CNTNAP5: variants seen among roughly 807,000 people sequenced by gnomAD.
CNTNAP5 encodes the protein contactin associated protein family member 5, also known as contactin-associated protein-like 5.
A neutral mutation model predicts 150.2 loss-of-function variants in CNTNAP5; 72 were observed. The observed-to-expected ratio is 0.48, with a 90% CI of 0.40 to 0.58. The LOEUF is 0.58. Ranked by LOEUF, CNTNAP5 falls within the 20% of genes least tolerant of loss-of-function variation. The probability of loss-of-function intolerance (pLI) is 0.00; values close to 1 mark genes in which losing one functional copy is unlikely to be tolerated. For missense variants in CNTNAP5, 1,636 were observed against 1,626.2 expected (o/e 1.01, Z -0.10); for synonymous variants, 672 against 619.8 (o/e 1.08, Z -1.25).
intron 19 of CNTNAP5, among the ~76,000 whole-genome samples, chr2:124,811,951 T>A (rs1174041450): frequency 6.4e-5 from 6 of 94,178 alleles, no homozygotes; most frequent in South Asian, 2.6e-4. Flanking sequence ...TCAAAAAATA[T>A]ATATATATAT....
intron 19 of CNTNAP5, among the ~76,000 whole-genome samples, chr2:124,861,669 T>G (rs1233633829): frequency 6.6e-6 from 1 of 152,144 alleles, no homozygotes; most frequent in Non-Finnish European, 1.5e-5. Flanking sequence ...AAGAAGCAGC[T>G]AGATTTAACT....
intron 9 of CNTNAP5, among the ~76,000 whole-genome samples, chr2:124,525,110 T>A (rs1694934085): frequency 6.6e-6 from 1 of 152,224 alleles, no homozygotes; most frequent in African/African-American, 2.4e-5. Flanking sequence ...AAGAAAAACA[T>A]AATTAGGCAT....
chr2:124,516,930 A>G (rs1046888284), intron 8 of CNTNAP5, among the ~76,000 whole-genome samples: 1 of 152,156 alleles, frequency 6.6e-6, no homozygotes, highest in African/African-American at 2.4e-5. Flanking sequence ...GCAACCTCAA[A>G]ATTATTTCTT....
rs556735690 is a variant in CNTNAP5, at chr2:124,679,632, G to C, written c.2077+31674G>C. On this transcript the variant is annotated intron_variant, in intron 13 of 23. Transcript: ENST00000682447. The stretch of plus-strand genomic sequence containing the variant: ...TCTCTGTCATTCAGGTTGGAGTGCA[G>C]TGATGCAATCACTGCAGCCTCCGGC... Among the ~76,000 whole-genome samples, 150 of 151,570 alleles carry C rather than the reference G, an allele frequency of 9.9e-4. 1 individual carries two copies. The highest frequency in any genetic ancestry group is 1.7e-3 in the Non-Finnish European group (114 of 67,976).
At chr2:124,842,608 A>G (rs922224460) in intron 19 of CNTNAP5, among the ~76,000 whole-genome samples, 7 of 152,182 alleles carry the variant, frequency 4.6e-5, no homozygotes, top group Non-Finnish European at 1.0e-4. Context: ...GACAGGTTGT[A>G]GAATATTTTG....
chr2:124,047,685 A>G (rs1025132072), intron 1 of CNTNAP5, among the ~76,000 whole-genome samples: 1 of 152,204 alleles, frequency 6.6e-6, no homozygotes, highest in Non-Finnish European at 1.5e-5. Context: ...TCCCTGGTGC[A>G]TGAAAAAGTG....
chr2:124,634,588 AGT>A (rs1677933737), intron 12 of CNTNAP5, among the ~76,000 whole-genome samples: 1 of 152,030 alleles, frequency 6.6e-6, no homozygotes, highest in Admixed American at 6.6e-5. Flanking sequence ...GGTTCACAGT[AGT>A]GTTGACATCT....
intron 22 of CNTNAP5, 117 bp downstream of exon 22, chr2:124,903,217 A>G: frequency 1.8e-6 from 1 of 569,380 alleles, no homozygotes; most frequent in East Asian, 2.9e-5. Context: ...TTTGTATAAT[A>G]ACAGGTGGCT....
chr2:124,654,641 G>T (rs559313164), intron 13 of CNTNAP5, among the ~76,000 whole-genome samples: 1 of 152,258 alleles, frequency 6.6e-6, no homozygotes, highest in South Asian at 2.1e-4. Context: ...TGCTCACAAA[G>T]CTTGGAGGTC....
intron 3 of CNTNAP5, among the ~76,000 whole-genome samples, chr2:124,328,592 G>T (rs1265103138): frequency 1.3e-5 from 2 of 152,100 alleles, no homozygotes; most frequent in African/African-American, 4.8e-5. Context: ...TCTCCTCAAA[G>T]AAATGCAAAT....
chr2:124,471,363 G>A (rs1008101450), intron 6 of CNTNAP5, among the ~76,000 whole-genome samples: 21 of 151,918 alleles, frequency 1.4e-4, no homozygotes, highest in African/African-American at 5.1e-4. Context: ...TTTGGCTCTT[G>A]GCTTGCCTGT....
intron 19 of CNTNAP5, among the ~76,000 whole-genome samples, chr2:124,840,673 C>T (rs912136849): frequency 2.0e-5 from 3 of 152,058 alleles, no homozygotes; most frequent in Admixed American, 6.6e-5. Flanking sequence ...GGATTCTCTG[C>T]TTATGTCTTG....
chr2:124,706,698 G>T (rs189128377), intron 13 of CNTNAP5, among the ~76,000 whole-genome samples: 72 of 149,500 alleles, frequency 4.8e-4, no homozygotes, highest in Middle Eastern at 3.5e-3. Context: ...AGTGAGCTGA[G>T]ATTATACCAC....
At chr2:124,477,633 A>G (rs1156742099) in intron 7 of CNTNAP5, among the ~76,000 whole-genome samples, 1 of 150,058 alleles carries the variant, frequency 6.7e-6, no homozygotes, top group African/African-American at 2.5e-5. Flanking sequence ...CCTAATTAAC[A>G]TAAACACTGG....
chr2:124,197,599 A>G (rs886833584), intron 1 of CNTNAP5, among the ~76,000 whole-genome samples: 2 of 152,222 alleles, frequency 1.3e-5, no homozygotes, highest in African/African-American at 4.8e-5. Flanking sequence ...TTACCTAGCA[A>G]TGGGATTTCT....
At chr2:124,349,874 C>CTTTT (rs70996061) in intron 3 of CNTNAP5, among the ~76,000 whole-genome samples, 10,833 of 81,298 alleles carry the variant, frequency 0.13, 2,534 homozygotes, top group Non-Finnish European at 0.16. Context: ...CTGGCTATTT[C>CTTTT]TTTTTTTTTT....
chr2:124,345,981 C>A (rs924234085), intron 3 of CNTNAP5, among the ~76,000 whole-genome samples: 2 of 152,140 alleles, frequency 1.3e-5, no homozygotes, highest in African/African-American at 2.4e-5. Flanking sequence ...GAATCTAATG[C>A]TGTTTTTTAA....
intron 3 of CNTNAP5, among the ~76,000 whole-genome samples, chr2:124,253,404 A>G (rs1687234444): frequency 6.6e-6 from 1 of 152,162 alleles, no homozygotes; most frequent in African/African-American, 2.4e-5. Context: ...CTTCTTATCT[A>G]TAAATTTTGG....
intron 12 of CNTNAP5, among the ~76,000 whole-genome samples, chr2:124,628,576 TAGA>T (rs1677779995): frequency 6.6e-6 from 1 of 152,070 alleles, no homozygotes; most frequent in South Asian, 2.1e-4. Context: ...GCACTAAACA[TAGA>T]TAGGAAAAAC....
Sources: gnomAD v4.1 joint callset for allele counts (sites outside exome capture counted in the v4.1 genomes callset) on GRCh38, gnomAD v4.1.1 for gene constraint, MANE v1.5 for transcripts, NCBI Gene and HGNC (gene_info 2026-07-23, HGNC 2026-07-21) for gene names.